The following IRS1 variants were observed in gnomAD, a reference collection of about 807,000 sequenced individuals.
IRS1 encodes insulin receptor substrate 1.
A neutral mutation model predicts 65.6 loss-of-function variants in IRS1; 34 were observed. The ratio of observed to expected loss-of-function variants is 0.52; its 90% CI spans 0.39 to 0.69. The LOEUF (loss-of-function observed/expected upper bound fraction) is 0.69. IRS1 is among the 30% of genes least tolerant of loss of function. The probability of loss-of-function intolerance (pLI) is 0.00; values close to 1 mark genes in which losing one functional copy is unlikely to be tolerated. For missense variants in IRS1, 1,641 were observed against 1,720.2 expected (o/e 0.95, Z 0.81); for synonymous variants, 699 against 683.5 (o/e 1.02, Z -0.35).
intron 1 of IRS1, among the ~76,000 whole-genome samples, chr2:226,746,079 A>T (rs1938537908): frequency 6.6e-6 from 1 of 152,104 alleles, no homozygotes; most frequent in African/African-American, 2.4e-5. Flanking sequence ...AAGATCTCAA[A>T]TGAATGCTAT....
chr2:226,782,679 T>A (rs189313530), intron 1 of IRS1, among the ~76,000 whole-genome samples: 2 of 152,356 alleles, frequency 1.3e-5, no homozygotes, highest in Admixed American at 1.3e-4. Context: ...TTTCAAGTCC[T>A]ATGTGAGCCA....
chr2:226,777,005 T>TA (rs1457416905), intron 1 of IRS1, among the ~76,000 whole-genome samples: 1 of 151,928 alleles, frequency 6.6e-6, no homozygotes, highest in Non-Finnish European at 1.5e-5. Context: ...GTCAAGGTCA[T>TA]AAAAAACAAG....
rs1372702720 is a variant in IRS1 at position 226,740,485 on chromosome 2, CAAAT to C, written c.*22-4239_*22-4236del. On this transcript the variant is annotated intron_variant, in intron 1 of 1. Coordinates refer to ENST00000305123, the MANE Select transcript of IRS1 (RefSeq NM_005544.3). ...AACTATGCCTATAATAGCTGAAAAACAAATAAAGACTTTGCTTCCTTTTACATTG... is the reference window on the plus strand; with the variant it reads ...AACTATGCCTATAATAGCTGAAAAACAAAGACTTTGCTTCCTTTTACATTG... 3.9e-5 allele frequency among the ~76,000 whole-genome samples: 6 copies of C among 152,090 alleles called. No individual in the cohort carries two copies. The East Asian group carries it at 5.8e-4, about 15-fold the overall frequency.
chr2:226,752,572 A>C (rs1403062370), intron 1 of IRS1, among the ~76,000 whole-genome samples: 1 of 151,622 alleles, frequency 6.6e-6, no homozygotes, highest in African/African-American at 2.4e-5. Flanking sequence ...GATTTTAGGA[A>C]ATGATAGGAA....
chr2:226,737,983 G>A (rs1001414851), intron 1 of IRS1, among the ~76,000 whole-genome samples: 1 of 152,180 alleles, frequency 6.6e-6, no homozygotes, highest in African/African-American at 2.4e-5. Context: ...CTCAAGTAGA[G>A]GATGTGGCTT....
chr2:226,737,594 G>C (rs1053863662), intron 1 of IRS1, among the ~76,000 whole-genome samples: 1 of 152,174 alleles, frequency 6.6e-6, no homozygotes, highest in African/African-American at 2.4e-5. Flanking sequence ...CTGCCTTCTA[G>C]TAATTCTAGA....
At chr2:226,748,274 C>T (rs938735189) in intron 1 of IRS1, among the ~76,000 whole-genome samples, 2 of 151,476 alleles carry the variant, frequency 1.3e-5, no homozygotes, top group Admixed American at 6.6e-5. Context: ...ACTAAAAATA[C>T]AAAAATTTGT....
intron 1 of IRS1, among the ~76,000 whole-genome samples, chr2:226,779,339 G>A (rs558023440): frequency 6.6e-6 from 1 of 152,300 alleles, no homozygotes; most frequent in South Asian, 2.1e-4. Flanking sequence ...AGATAAATGA[G>A]GTGTTGGTAT....
intron 1 of IRS1, among the ~76,000 whole-genome samples, chr2:226,763,802 A>G (rs184358296): frequency 2.4e-4 from 37 of 152,322 alleles, no homozygotes; most frequent in African/African-American, 8.4e-4. Context: ...CCATTCAAAC[A>G]AACAAACAAT....
chr2:226,799,264 C>T lies in IRS1; in HGVS notation c.-526G>A, dbSNP rs949524633. On this transcript the variant is annotated 5_prime_UTR_variant, in exon 1 of 2. Transcript: ENST00000305123. This position sits in a 1 kb window ranked among gnomAD's most constrained non-coding sequence, Gnocchi z 6.1. ...AGTCCCAACGTTGCACGGGGTTCTC[C>T]CTCCTCCTTCGCCTCCTCCCACCCC... 12 of 1,152,006 alleles carry T rather than the reference C, an allele frequency of 1.0e-5. No individual in the cohort carries two copies. The African/African-American group carries it at 1.4e-4, about 13-fold the overall frequency. The allele number at this position is 1,152,006 out of a possible 1,614,324, so 71.4% of individuals were successfully genotyped here.
In IRS1 at chr2:226,796,575, C is replaced by G; in HGVS notation, c.2164G>C (p.Gly722Arg). Residue 722 changes from glycine to arginine, a missense_variant, in exon 1 of 2, where the codon GGT becomes CGT. Around this residue, in one of 3 missense-constraint regions of IRS1, gnomAD observed 1,324 missense variants for 1,361.0 expected, o/e 0.97. Coordinates refer to ENST00000305123, the MANE Select transcript of IRS1 (RefSeq NM_005544.3). ...PHPKPPVESS[G>R]GKLLPCTGDY... ...CCTGTGCAAGGTAAGAGCTTACCAC[C>G]GCTGCTCTCCACTGGGGGTTTGGGG... is the stretch of plus-strand genomic sequence containing the variant. The G allele has an allele frequency of 6.2e-7, 1 of 1,614,052 alleles. No individual in the cohort carries two copies. Among genetic ancestry groups the G allele is most frequent in the Non-Finnish European group, 8.5e-7 (1 of 1,179,998 alleles).
intron 1 of IRS1, among the ~76,000 whole-genome samples, chr2:226,736,961 C>CT (rs1416670856): frequency 6.6e-6 from 1 of 151,550 alleles, no homozygotes; most frequent in Non-Finnish European, 1.5e-5. Context: ...TATTATTATA[C>CT]TTTAAGTTTT....
chr2:226,746,877 C>A (rs1020788257), intron 1 of IRS1, among the ~76,000 whole-genome samples: 1 of 150,252 alleles, frequency 6.7e-6, no homozygotes, highest in African/African-American at 2.5e-5. Flanking sequence ...GCAACTTCTG[C>A]CTCCCAGGTT....
intron 1 of IRS1, among the ~76,000 whole-genome samples, chr2:226,761,389 T>A (rs903163762): frequency 1.3e-5 from 2 of 152,130 alleles, no homozygotes; most frequent in South Asian, 4.1e-4. Context: ...AACAATTCCA[T>A]GGAATTGTGC....
At chr2:226,769,108 C>A (rs886545819) in intron 1 of IRS1, among the ~76,000 whole-genome samples, 2 of 152,152 alleles carry the variant, frequency 1.3e-5, no homozygotes, top group African/African-American at 4.8e-5. Flanking sequence ...ACTGAAGAGA[C>A]CATCAGAACC....
Position 226,745,912 on chromosome 2 carries a change from AG to A in IRS1, c.*22-9663del, listed in dbSNP as rs1396633153. On this transcript the variant is annotated intron_variant, in intron 1 of 1. Coordinates refer to ENST00000305123, the MANE Select transcript of IRS1 (RefSeq NM_005544.3). ...GACAAAGTTATTTCAGAAAGGAGGA[AG>A]GGGAAAATGCCAGAACAAAAAGAAA... 2.6e-5 allele frequency among the ~76,000 whole-genome samples: 4 copies of A among 152,244 alleles called. No homozygotes were observed. The East Asian group carries it at 5.8e-4, about 22-fold the overall frequency.
At position 226,735,042 on chromosome 2, in the gene IRS1, C is replaced by T. The variant is rs1190620108; in HGVS notation, c.*1230G>A. The stretch of plus-strand genomic sequence containing the variant: ...GAGTCTTAGGGAAGGTGACACATAG[C>T]CCTGGTCATAATGAAAAACACTTAC... On this transcript the variant is annotated 3_prime_UTR_variant, in exon 2 of 2. Coordinates refer to ENST00000305123, the MANE Select transcript of IRS1 (RefSeq NM_005544.3). 1 of 152,104 alleles carries T rather than the reference C, an allele frequency of 6.6e-6. No homozygotes were observed. Among genetic ancestry groups the T allele is most frequent in the East Asian group, 1.9e-4 (1 of 5,192 alleles). The allele number at this position is 152,104 out of a possible 1,614,324, so 9.4% of individuals were successfully genotyped here. A position where few individuals can be genotyped will look rare whatever the true frequency, so the allele number is the denominator to read the frequency against.
At chr2:226,762,971 A>G (rs1372816042) in intron 1 of IRS1, among the ~76,000 whole-genome samples, 1 of 152,234 alleles carries the variant, frequency 6.6e-6, no homozygotes, top group Non-Finnish European at 1.5e-5. Context: ...ACAAAAAAGT[A>G]TAATACTCTT....
At chr2:226,789,378 T>C (rs1939547060) in intron 1 of IRS1, among the ~76,000 whole-genome samples, 1 of 152,210 alleles carries the variant, frequency 6.6e-6, no homozygotes, top group African/African-American at 2.4e-5. Context: ...CAGTGTTGGC[T>C]CAACTAACTA....
Sources: gnomAD v4.1 joint callset for allele counts (sites outside exome capture counted in the v4.1 genomes callset) on GRCh38, gnomAD v4.1.1 for gene constraint, gnomAD v4.1.1 regional missense constraint, Gnocchi (gnomAD v3.1) non-coding constraint, MANE v1.5 for transcripts, NCBI Gene and HGNC (gene_info 2026-07-23, HGNC 2026-07-21) for gene names.